NKTR: variants seen among roughly 807,000 people sequenced by gnomAD.
NKTR encodes the protein natural killer cell triggering receptor.
NKTR carries 67 observed loss-of-function variants against 156.3 expected under a neutral mutation model. The ratio of observed to expected loss-of-function variants is 0.43; its 90% CI spans 0.35 to 0.53. The LOEUF is 0.53. Ranked by LOEUF, NKTR falls within the 20% of genes least tolerant of loss-of-function variation. The pLI, the probability that NKTR is intolerant of heterozygous loss-of-function variation, is 0.01. For missense variants in NKTR, 1,604 were observed against 1,730.9 expected (o/e 0.93, Z 1.30); for synonymous variants, 640 against 596.6 (o/e 1.07, Z -1.06).
Position 42,631,325 on chromosome 3 carries a change from T to C in NKTR, c.550+9T>C. ...AAAATCAATAAAAGATGGTAAGAACTTTTTTGACAGTAGATGAAGCTAAGA... is the reference window on the plus strand; with the variant it reads ...AAAATCAATAAAAGATGGTAAGAACCTTTTTGACAGTAGATGAAGCTAAGA... On this transcript the variant is annotated intron_variant, in intron 8 of 16. Coordinates refer to ENST00000232978, the MANE Select transcript of NKTR (RefSeq NM_005385.4). The C allele has an allele frequency of 6.2e-7, 1 of 1,611,968 alleles. No homozygotes were observed. Among genetic ancestry groups the C allele is most frequent in the Non-Finnish European group, 8.5e-7 (1 of 1,178,852 alleles).
At chr3:42,618,946 A>G in intron 3 of NKTR, 74 bp from the exon 4 acceptor site, 2 of 1,227,716 alleles carry the variant, frequency 1.6e-6, no homozygotes, top group Non-Finnish European at 2.3e-6. Context: ...ACACAGGATT[A>G]ATTGGTTTGT....
chr3:42,619,174 A>C (rs1707686851), intron 4 of NKTR, 47 bp downstream of exon 4: 13 of 1,580,468 alleles, frequency 8.2e-6, no homozygotes, highest in Non-Finnish European at 1.0e-5. Flanking sequence ...ATCAGTTTTT[A>C]AAGTATTTCA....
chr3:42,633,542 CATT>C (rs1318345841), intron 9 of NKTR, 35 bp from the exon 10 acceptor site: 3 of 1,590,706 alleles, frequency 1.9e-6, no homozygotes, highest in African/African-American at 2.7e-5. Flanking sequence ...GAAATGCAAA[CATT>C]ATACATTTTA....
intron 6 of NKTR, chr3:42,629,823 C>CTT (rs1708730778): frequency 1.0e-6 from 1 of 985,252 alleles, no homozygotes; most frequent in Non-Finnish European, 1.2e-6. Context: ...GAGTGACTGT[C>CTT]TGACAGTTGG....
chr3:42,625,399 A>G (rs1708281606), intron 6 of NKTR, among the ~76,000 whole-genome samples: 1 of 151,994 alleles, frequency 6.6e-6, no homozygotes, highest in Non-Finnish European at 1.5e-5. Context: ...CATGTTTGCT[A>G]CATTTTAACA....
intron 2 of NKTR, chr3:42,602,574 C>G (rs1254461227): frequency 1.3e-5 from 2 of 151,122 alleles, no homozygotes; most frequent in African/African-American, 4.9e-5. Context: ...ATGAGATAAT[C>G]CTGGAAATTT....
chr3:42,643,006 C>A (rs1318964733), intron 14 of NKTR, among the ~76,000 whole-genome samples: 3 of 152,160 alleles, frequency 2.0e-5, no homozygotes, highest in Non-Finnish European at 2.9e-5. Flanking sequence ...TAGCTTCTTT[C>A]CCTCTTTTGC....
intron 2 of NKTR, among the ~76,000 whole-genome samples, chr3:42,604,537 A>T (rs1348410859): frequency 6.6e-6 from 1 of 151,268 alleles, no homozygotes; most frequent in South Asian, 2.1e-4. Context: ...CCAGTTGGCT[A>T]TTAGTGTTGG....
intron 2 of NKTR, among the ~76,000 whole-genome samples, chr3:42,604,913 C>A (rs1383803840): frequency 1.3e-5 from 2 of 151,734 alleles, no homozygotes; most frequent in Non-Finnish European, 2.9e-5. Flanking sequence ...TGGTCTTGAA[C>A]TCCTGGGCCC....
intron 2 of NKTR, among the ~76,000 whole-genome samples, chr3:42,614,532 A>G (rs1403357609): frequency 6.6e-6 from 1 of 152,134 alleles, no homozygotes; most frequent in African/African-American, 2.4e-5. Flanking sequence ...ATAAAATCAT[A>G]CAATTCAATA....
intron 7 of NKTR, chr3:42,630,827 TCA>T: frequency 7.5e-7 from 1 of 1,336,654 alleles, no homozygotes; most frequent in Non-Finnish European, 9.5e-7. Context: ...ATTTTTCTCT[TCA>T]GTTTTCCAAA....
intron 7 of NKTR, chr3:42,630,876 C>T: frequency 1.5e-6 from 2 of 1,358,902 alleles, no homozygotes; most frequent in Non-Finnish European, 1.9e-6. Context: ...ATCATGTGTC[C>T]CTGTAAGGAA....
rs373514467 is a variant in NKTR, at chr3:42,637,943, A to G, written c.2239A>G (p.Ile747Val). 64 of 1,613,704 alleles carry G rather than the reference A, an allele frequency of 4.0e-5. No individual in the cohort carries two copies. The highest frequency in any genetic ancestry group is 8.0e-5 in the African/African-American group (6 of 74,942). ...TAGTAGATCATCTTCATATACTTCT[A>G]TTAGCAGTGATGATGGAAGGCGAGC... is the stretch of plus-strand genomic sequence containing the variant. ...QCSRSSSYTS[I>V]SSDDGRRAKR... Residue 747 changes from isoleucine to valine, a missense_variant, in exon 13 of 17, where the codon ATT becomes GTT. Transcript: ENST00000232978.
In NKTR at chr3:42,639,448, T is replaced by TA; in HGVS notation, c.3746dup (p.Val1250GlyfsTer7). ...CTGCCACATCCAGTGCTGTGGAAGTTAAGGTGTTGACCACTGTGCCTGAAA... is the reference window on the plus strand; with the variant it reads ...CTGCCACATCCAGTGCTGTGGAAGTTAAAGGTGTTGACCACTGTGCCTGAAA... On this transcript the variant is annotated frameshift_variant, in exon 13 of 17. Coordinates refer to ENST00000232978, the MANE Select transcript of NKTR (RefSeq NM_005385.4). LOFTEE classifies it high-confidence loss of function. The TA allele has an allele frequency of 6.2e-7, 1 of 1,614,160 alleles. No homozygotes were observed. Among genetic ancestry groups the TA allele is most frequent in the Non-Finnish European group, 8.5e-7 (1 of 1,180,018 alleles).
At position 42,627,297 on chromosome 3, in the gene NKTR, T is replaced by C. The variant is rs1434518259; in HGVS notation, c.375-3249T>C. On this transcript the variant is annotated intron_variant, in intron 6 of 16. Coordinates refer to ENST00000232978, the MANE Select transcript of NKTR (RefSeq NM_005385.4). ...CTCTTTAATTCTGTTGTTATGTGCA[T>C]TGAAACATTTTAAGAAAAAAAAAAA... 1.5e-5 allele frequency: 15 copies of C among 984,200 alleles called. No homozygotes were observed. In the East Asian group the frequency reaches 4.5e-4, roughly 30 times the overall value. 61.0% of individuals were successfully genotyped at this position (984,200 alleles called of 1,614,324 possible).
chr3:42,630,799 T>A, intron 7 of NKTR: 2 of 1,354,224 alleles, frequency 1.5e-6, no homozygotes, highest in Non-Finnish European at 1.9e-6. Context: ...CTCAGCAATA[T>A]AATTCTTTTT....
At chr3:42,629,668 TGTA>T (rs1482570468) in intron 6 of NKTR, 17 of 977,976 alleles carry the variant, frequency 1.7e-5, no homozygotes, top group South Asian at 9.5e-5. Flanking sequence ...TCAAGATGCT[TGTA>T]GTATATAATT....
In NKTR at chr3:42,630,202, GTGTTT is replaced by G. The variant is rs3217077; in HGVS notation, c.375-334_375-330del. ...AAATTTTGAGGGTTTTTTTTTTTAA[GTGTTT>G]TGTTTTGTTGTTTTGGAGTTGAGAG... On this transcript the variant is annotated intron_variant, in intron 6 of 16. Coordinates refer to ENST00000232978, the MANE Select transcript of NKTR (RefSeq NM_005385.4). 2.7e-4 allele frequency: 286 copies of G among 1,061,248 alleles called. No individual in the cohort carries two copies. The East Asian group carries it at 0.012, about 45-fold the overall frequency. 65.7% of individuals were successfully genotyped at this position (1,061,248 alleles called of 1,614,324 possible). A position where few individuals can be genotyped will look rare whatever the true frequency, so the allele number is the denominator to read the frequency against.
rs1705368123 is a variant in NKTR, at chr3:42,601,071, T to C, written c.58+7T>C. ...GAGATCAACCGGGAGCCGGGTGAGC[T>C]GGAAACTGGGGAGCGCTGCTGGGGC... On this transcript the variant is annotated splice_region_variant and intron_variant, in intron 2 of 16. Coordinates refer to ENST00000232978, the MANE Select transcript of NKTR (RefSeq NM_005385.4). 7.7e-6 allele frequency: 12 copies of C among 1,565,242 alleles called. No individual in the cohort carries two copies. Among genetic ancestry groups the C allele is most frequent in the African/African-American group, 6.9e-5 (5 of 72,440 alleles).
Sources: allele counts gnomAD v4.1 joint callset (sites outside exome capture counted in the v4.1 genomes callset), GRCh38; gene constraint gnomAD v4.1.1; transcripts MANE v1.5; gene names NCBI Gene and HGNC (gene_info 2026-07-23, HGNC 2026-07-21).